Variants in HIGD2B observed in about 807,000 individuals in gnomAD.
The protein encoded by HIGD2B is HIG1 hypoxia inducible domain family member 2B.
For missense variants in HIGD2B, 106 were observed against 67.0 expected, an observed-to-expected ratio of 1.58 and a Z score of -2.03; for synonymous variants, 45 against 28.1, an observed-to-expected ratio of 1.60 and a Z score of -1.90.
chr15:72,680,988 G>A (rs893270493), intron 1 of HIGD2B, among the ~76,000 whole-genome samples: 4 of 152,146 alleles, frequency 2.6e-5, no homozygotes, highest in Admixed American at 6.5e-5. Context: ...GAATAGCTAA[G>A]GGACTGTCTG....
chr15:72,678,749 A>G (rs140133788), intron 2 of HIGD2B, among the ~76,000 whole-genome samples: 2 of 152,098 alleles, frequency 1.3e-5, no homozygotes, highest in African/African-American at 4.8e-5. Context: ...TGTAATCCCA[A>G]CACTTTGGGA....
intron 1 of HIGD2B, among the ~76,000 whole-genome samples, chr15:72,685,268 G>A (rs1260027718): frequency 6.6e-6 from 1 of 152,118 alleles, no homozygotes; most frequent in Non-Finnish European, 1.5e-5. Context: ...TTAATGAATT[G>A]GGAGAGGCAG....
At chr15:72,676,920 G>A (rs144644989) in intron 2 of HIGD2B, among the ~76,000 whole-genome samples, 333 of 152,238 alleles carry the variant, frequency 2.2e-3, no homozygotes, top group Non-Finnish European at 3.7e-3. Flanking sequence ...AAACCTACAC[G>A]CGTGACAAAA....
intron 1 of HIGD2B, among the ~76,000 whole-genome samples, chr15:72,683,728 C>T (rs984573612): frequency 3.3e-5 from 5 of 151,970 alleles, no homozygotes; most frequent in South Asian, 4.2e-4. Flanking sequence ...GTAGTCCCAG[C>T]TACTCAGGAG....
rs551863259 is a variant in HIGD2B, at chr15:72,686,174, TC to T, written c.-550del. The T allele has an allele frequency of 1.5e-4, 235 of 1,536,506 alleles. 1 individual carries two copies. The East Asian group carries it at 5.0e-3, about 33-fold the overall frequency. Reference sequence around the variant, plus strand: ...CACAGCCCTACGACTTCCGCTTGCCTCGTCGTCTGGGAAACCGCCGACTTCC... The same window carrying T: ...CACAGCCCTACGACTTCCGCTTGCCTGTCGTCTGGGAAACCGCCGACTTCC... On this transcript the variant is annotated 5_prime_UTR_variant, in exon 1 of 3. Coordinates refer to ENST00000311755, the MANE Select transcript of HIGD2B (RefSeq NM_001350932.3).
chr15:72,681,724 A>T (rs10152622), intron 1 of HIGD2B, among the ~76,000 whole-genome samples: 2 of 150,076 alleles, frequency 1.3e-5, no homozygotes, highest in African/African-American at 4.9e-5. Flanking sequence ...CTCCTGCCTC[A>T]GCCTCCCGAG....
At chr15:72,684,225 G>A (rs373497166) in intron 1 of HIGD2B, among the ~76,000 whole-genome samples, 34 of 152,292 alleles carry the variant, frequency 2.2e-4, no homozygotes, top group South Asian at 8.3e-4. Context: ...CAGTGGCTCC[G>A]TTACAGAATT....
chr15:72,684,696 C>T, intron 1 of HIGD2B, among the ~76,000 whole-genome samples: 1 of 152,208 alleles, frequency 6.6e-6, no homozygotes, highest in East Asian at 1.9e-4. Flanking sequence ...ACCATGTTGG[C>T]CAGGCTGGTC....
chr15:72,676,494 T>A, intron 2 of HIGD2B, 107 bp from the exon 3 acceptor site: 1 of 597,988 alleles, frequency 1.7e-6, no homozygotes, highest in Non-Finnish European at 3.0e-6. Flanking sequence ...AACCTCTGCC[T>A]CCCTGGTCCC....
At chr15:72,683,498 T>G (rs1463985386) in intron 1 of HIGD2B, among the ~76,000 whole-genome samples, 1 of 151,074 alleles carries the variant, frequency 6.6e-6, no homozygotes, top group Non-Finnish European at 1.5e-5. Context: ...CAGTGTTGCG[T>G]AGTAACCCCG....
intron 2 of HIGD2B, among the ~76,000 whole-genome samples, chr15:72,677,409 A>C (rs1595891173): frequency 6.6e-6 from 1 of 152,066 alleles, no homozygotes; most frequent in East Asian, 1.9e-4. Flanking sequence ...CTGGGTGGGC[A>C]ACAACAGCAA....
rs569049428 is a variant in HIGD2B at position 72,676,186 on chromosome 15, G to A, written c.189C>T (p.Gly63=). 500 of 763,512 alleles carry A rather than the reference G, an allele frequency of 6.5e-4. 1 individual carries two copies. The African/African-American group carries it at 7.6e-3, about 12-fold the overall frequency. The allele number at this position is 763,512 out of a possible 1,614,324, so 47.3% of individuals were successfully genotyped here. A position where few individuals can be genotyped will look rare whatever the true frequency, so the allele number is the denominator to read the frequency against. The change falls in exon 3 of 3, where the codon GGC becomes GGT. Residue 63 remains glycine (G), a synonymous_variant. Coordinates refer to ENST00000311755, the MANE Select transcript of HIGD2B (RefSeq NM_001350932.3). ...TGTTGCCCTGGTGGAAGCAGTAGAG[G>A]CCGTTGGTGAGGACGGCCGCCGTGC... ...FLCTAAVLTN[G]LYCFHQGNSQ...
At chr15:72,676,834 T>C (rs1356003449) in intron 2 of HIGD2B, among the ~76,000 whole-genome samples, 1 of 152,148 alleles carries the variant, frequency 6.6e-6, no homozygotes. Flanking sequence ...AGGAGGTATA[T>C]GTTTATTAAA....
chr15:72,681,728 T>A (rs1221209641), intron 1 of HIGD2B, among the ~76,000 whole-genome samples: 1 of 150,602 alleles, frequency 6.6e-6, no homozygotes, highest in Non-Finnish European at 1.5e-5. Context: ...TGCCTCAGCC[T>A]CCCGAGTAGC....
At chr15:72,684,638 C>T (rs187823641) in intron 1 of HIGD2B, among the ~76,000 whole-genome samples, 22 of 152,260 alleles carry the variant, frequency 1.4e-4, no homozygotes, top group African/African-American at 5.1e-4. Flanking sequence ...CAGGAGCCGG[C>T]CACCACGCCC....
At chr15:72,684,061 T>G (rs969497570) in intron 1 of HIGD2B, among the ~76,000 whole-genome samples, 2 of 151,702 alleles carry the variant, frequency 1.3e-5, no homozygotes, top group South Asian at 4.2e-4. Context: ...CTTGAGAGGA[T>G]GAGGTGGAAG....
Position 72,680,054 on chromosome 15 carries a change from A to G in HIGD2B, c.-53T>C. On this transcript the variant is annotated 5_prime_UTR_variant, in exon 2 of 3. Coordinates refer to ENST00000311755, the MANE Select transcript of HIGD2B (RefSeq NM_001350932.3). ...AGTGCCAACAGAGTTCTCCCGACGAATGTCTTCATATTCCTCATAGATTCC... is the reference window on the plus strand; with the variant it reads ...AGTGCCAACAGAGTTCTCCCGACGAGTGTCTTCATATTCCTCATAGATTCC... 1 of 472,916 alleles carries G rather than the reference A, an allele frequency of 2.1e-6. No homozygotes were observed. The highest frequency in any genetic ancestry group is 3.1e-6 in the Non-Finnish European group (1 of 324,458). 29.3% of individuals were successfully genotyped at this position (472,916 alleles called of 1,614,324 possible).
intron 2 of HIGD2B, among the ~76,000 whole-genome samples, chr15:72,677,792 T>C (rs189172621): frequency 1.1e-4 from 17 of 151,664 alleles, no homozygotes; most frequent in Admixed American, 7.9e-4. Context: ...AAATAATAAA[T>C]AGAACATATA....
intron 1 of HIGD2B, among the ~76,000 whole-genome samples, chr15:72,683,771 G>A (rs767126606): frequency 2.0e-5 from 3 of 152,104 alleles, no homozygotes; most frequent in Non-Finnish European, 2.9e-5. Flanking sequence ...AGCCTGGGAG[G>A]TAGAGGCTGC....
Sources: gnomAD v4.1 joint callset for allele counts (sites outside exome capture counted in the v4.1 genomes callset) on GRCh38, gnomAD v4.1.1 for gene constraint, MANE v1.5 for transcripts, NCBI Gene and HGNC (gene_info 2026-07-23, HGNC 2026-07-21) for gene names.